The following CTNNA3 variants were observed in gnomAD, a reference collection of about 807,000 sequenced individuals.
The protein encoded by CTNNA3 is catenin alpha 3.
In CTNNA3, 76 loss-of-function variants were observed where a neutral mutation model predicts 95.7. The ratio of observed to expected loss-of-function variants is 0.79; its 90% CI spans 0.66 to 0.96. The LOEUF (loss-of-function observed/expected upper bound fraction) is 0.96. Ranked by LOEUF, CTNNA3 falls within the 40% of genes least tolerant of loss-of-function variation. The pLI is 0.00. For synonymous variants in CTNNA3, 431 were observed against 374.4 expected (o/e 1.15, Z -1.74); for missense variants, 1,191 against 1,089.8 (o/e 1.09, Z -1.31).
chr10:66,029,901 C>T (rs1199752167), intron 15 of CTNNA3, among the ~76,000 whole-genome samples: 1 of 152,142 alleles, frequency 6.6e-6, no homozygotes, highest in East Asian at 1.9e-4. Context: ...TTGCACACCA[C>T]TCATTGTAAT....
At chr10:67,260,834 G>A (rs1866577426) in intron 5 of CTNNA3, among the ~76,000 whole-genome samples, 1 of 151,984 alleles carries the variant, frequency 6.6e-6, no homozygotes. Context: ...ACAGGCATGT[G>A]CCACCACACC....
chr10:67,091,803 G>C (rs1811591564), intron 7 of CTNNA3, among the ~76,000 whole-genome samples: 1 of 152,008 alleles, frequency 6.6e-6, no homozygotes, highest in Non-Finnish European at 1.5e-5. Context: ...AGTAGATTAA[G>C]CTGACTTAAT....
At chr10:66,325,595 T>G (rs16922827) in intron 12 of CTNNA3, among the ~76,000 whole-genome samples, 15,017 of 151,994 alleles carry the variant, frequency 0.099, 1,053 homozygotes, top group East Asian at 0.23. Context: ...GAAGGGTTGT[T>G]CTGAGGAAGA....
At chr10:66,261,028 C>T (rs527541156) in intron 13 of CTNNA3, among the ~76,000 whole-genome samples, 65 of 152,140 alleles carry the variant, frequency 4.3e-4, no homozygotes, top group African/African-American at 1.4e-3. Flanking sequence ...CTTTCCTATC[C>T]ATAAAATGGT....
upstream of CTNNA3, among the ~76,000 whole-genome samples, chr10:67,699,235 C>T (rs746324540): frequency 6.6e-6 from 1 of 152,190 alleles, no homozygotes; most frequent in Non-Finnish European, 1.5e-5. Context: ...TTTTACCCTA[C>T]AACTCCCTGT....
chr10:66,009,844 A>G (rs2078970953), intron 15 of CTNNA3, among the ~76,000 whole-genome samples: 1 of 152,230 alleles, frequency 6.6e-6, no homozygotes, highest in Non-Finnish European at 1.5e-5. Flanking sequence ...TGGAGACACA[A>G]CAGTAGAGAG....
chr10:66,901,402 G>A (rs1190803176), intron 7 of CTNNA3, among the ~76,000 whole-genome samples: 1 of 152,150 alleles, frequency 6.6e-6, no homozygotes, highest in African/African-American at 2.4e-5. Context: ...GGAACAACTG[G>A]TACCAGCCAC....
chr10:66,865,817 T>C (rs9414946), intron 7 of CTNNA3, among the ~76,000 whole-genome samples: 17,101 of 152,088 alleles, frequency 0.11, 1,310 homozygotes, highest in East Asian at 0.33. Context: ...ATAGAGATGG[T>C]ATATTATTAA....
chr10:66,544,631 C>A (rs574262508), intron 10 of CTNNA3, among the ~76,000 whole-genome samples: 1 of 152,026 alleles, frequency 6.6e-6, no homozygotes, highest in Non-Finnish European at 1.5e-5. Flanking sequence ...TCTAGTCGTA[C>A]CATTTGAGCA....
chr10:67,481,841 G>A (rs910238512), intron 5 of CTNNA3, among the ~76,000 whole-genome samples: 1 of 152,068 alleles, frequency 6.6e-6, no homozygotes, highest in African/African-American at 2.4e-5. Context: ...TGTCCTGAAT[G>A]GTAATGCCTA....
At chr10:66,281,096 C>A (rs1352113706) in intron 12 of CTNNA3, among the ~76,000 whole-genome samples, 2 of 151,758 alleles carry the variant, frequency 1.3e-5, no homozygotes, top group Non-Finnish European at 1.5e-5. Flanking sequence ...AGTAGTAATT[C>A]TGCCTTATAG....
chr10:67,624,532 T>A (rs1843962840), intron 2 of CTNNA3, among the ~76,000 whole-genome samples: 1 of 152,250 alleles, frequency 6.6e-6, no homozygotes, highest in Non-Finnish European at 1.5e-5. Flanking sequence ...TCCCCTGTGT[T>A]ATGCACATTG....
At chr10:65,973,462 C>T (rs1194233893) in intron 16 of CTNNA3, among the ~76,000 whole-genome samples, 1 of 152,136 alleles carries the variant, frequency 6.6e-6, no homozygotes, top group Non-Finnish European at 1.5e-5. Context: ...CATAGTTTTA[C>T]TATCCAGGAT....
At chr10:67,557,871 G>C (rs1398637609) in intron 3 of CTNNA3, among the ~76,000 whole-genome samples, 1 of 152,078 alleles carries the variant, frequency 6.6e-6, no homozygotes. Flanking sequence ...TATGATACTA[G>C]GAACTGGGCC....
intron 1 of CTNNA3, among the ~76,000 whole-genome samples, chr10:67,716,889 A>T (rs537035055): frequency 6.6e-6 from 1 of 152,318 alleles, no homozygotes; most frequent in East Asian, 1.9e-4. Context: ...TCCTTGAGGA[A>T]TCGCCACACT....
At chr10:66,809,742 G>C (rs990000269) in intron 7 of CTNNA3, among the ~76,000 whole-genome samples, 2 of 151,186 alleles carry the variant, frequency 1.3e-5, no homozygotes. Flanking sequence ...ACGGTCTTTG[G>C]CACATTTAGG....
chr10:66,940,059 G>C (rs1317044441), intron 7 of CTNNA3, among the ~76,000 whole-genome samples: 1 of 152,028 alleles, frequency 6.6e-6, no homozygotes, highest in Admixed American at 6.6e-5. Context: ...AAAATAAGTA[G>C]TTAGGTTTTG....
intron 5 of CTNNA3, among the ~76,000 whole-genome samples, chr10:67,343,628 G>C (rs931737850): frequency 7.3e-6 from 1 of 137,120 alleles, no homozygotes; most frequent in African/African-American, 2.8e-5. Flanking sequence ...TACTGAATTT[G>C]TTTATCAGTT....
At chr10:66,006,686 G>C (rs1903877) in intron 15 of CTNNA3, among the ~76,000 whole-genome samples, 1 of 152,206 alleles carries the variant, frequency 6.6e-6, no homozygotes, top group South Asian at 2.1e-4. Flanking sequence ...TATACTGGCT[G>C]CCCCTGCTCC....
Sources: allele counts gnomAD v4.1 joint callset (sites outside exome capture counted in the v4.1 genomes callset), GRCh38; gene constraint gnomAD v4.1.1; transcripts MANE v1.5; gene names NCBI Gene and HGNC (gene_info 2026-07-23, HGNC 2026-07-21).